The following PPP6C variants were observed in gnomAD, a reference collection of about 807,000 sequenced individuals.
The protein encoded by PPP6C is serine/threonine-protein phosphatase 6 catalytic subunit.
A neutral mutation model predicts 39.8 loss-of-function variants in PPP6C; 11 were observed. The ratio of observed to expected loss-of-function variants is 0.28; its 90% CI spans 0.17 to 0.46. PPP6C has a LOEUF of 0.46. Among genes scored for constraint, PPP6C ranks in the 20% least tolerant of loss-of-function variants. The probability of loss-of-function intolerance (pLI) is 1.00; values close to 1 mark genes in which losing one functional copy is unlikely to be tolerated. For missense variants in PPP6C, 211 were observed against 373.9 expected (o/e 0.56, Z 3.59); for synonymous variants, 129 against 130.3 (o/e 0.99, Z 0.07).
chr9:125,167,389 A>AAAAAAAAAAAAAAAAAAAAAAG (rs1554722081), intron 2 of PPP6C, among the ~76,000 whole-genome samples: 7 of 138,156 alleles, frequency 5.1e-5, no homozygotes, highest in African/African-American at 1.9e-4. Context: ...CAAAAAAAAA[A>AAAAAAAAAAAAAAAAAAAAAAG]AAAAAAAAAA....
intron 1 of PPP6C, among the ~76,000 whole-genome samples, chr9:125,173,108 A>T (rs1240436056): frequency 6.6e-6 from 1 of 151,896 alleles, no homozygotes; most frequent in Non-Finnish European, 1.5e-5. Context: ...AAAACCCCCT[A>T]TCTCTACTAA....
chr9:125,166,211 A>G (rs923929430), intron 2 of PPP6C, among the ~76,000 whole-genome samples: 1 of 152,218 alleles, frequency 6.6e-6, no homozygotes, highest in Non-Finnish European at 1.5e-5. Context: ...TCAAAAAACC[A>G]TATTTGTTAA....
At chr9:125,170,430 G>T (rs1011643727) in intron 2 of PPP6C, among the ~76,000 whole-genome samples, 1 of 151,800 alleles carries the variant, frequency 6.6e-6, no homozygotes, top group African/African-American at 2.4e-5. Context: ...GTAGAGACGG[G>T]GTTTCACCAT....
chr9:125,163,731 A>G (rs1213942305), intron 2 of PPP6C, among the ~76,000 whole-genome samples: 1 of 151,846 alleles, frequency 6.6e-6, no homozygotes, highest in Non-Finnish European at 1.5e-5. Flanking sequence ...GCCTGGCCAG[A>G]TATCTGTTCT....
chr9:125,151,165 G>A (rs1588270614), intron 6 of PPP6C: 1 of 1,469,076 alleles, frequency 6.8e-7, no homozygotes, highest in African/African-American at 1.4e-5. Flanking sequence ...TGCTGGTGGA[G>A]CTAAGAGAGT....
intron 2 of PPP6C, among the ~76,000 whole-genome samples, chr9:125,166,887 T>C (rs962921099): frequency 2.6e-5 from 4 of 151,782 alleles, no homozygotes; most frequent in African/African-American, 7.3e-5. Context: ...TACTTCCCAT[T>C]TCATCACACA....
intron 2 of PPP6C, among the ~76,000 whole-genome samples, chr9:125,162,141 T>G: frequency 6.7e-6 from 1 of 148,948 alleles, no homozygotes; most frequent in East Asian, 2.0e-4. Flanking sequence ...TATCTGAAAA[T>G]TAGCTAACAG....
intron 1 of PPP6C, among the ~76,000 whole-genome samples, chr9:125,177,380 A>G (rs929859739): frequency 6.6e-6 from 1 of 150,732 alleles, no homozygotes; most frequent in Non-Finnish European, 1.5e-5. Flanking sequence ...CTCAAAACAA[A>G]CAAACAAAAA....
At position 125,149,601 on chromosome 9, in the gene PPP6C, T is replaced by C. The variant is rs761037227; in HGVS notation, c.*72A>G. 51 of 1,511,256 alleles carry C rather than the reference T, an allele frequency of 3.4e-5. 1 individual carries two copies. Among genetic ancestry groups the C allele is most frequent in the Non-Finnish European group, 3.9e-5 (44 of 1,114,224 alleles). 93.6% of individuals were successfully genotyped at this position (1,511,256 alleles called of 1,614,324 possible). Reference sequence around the variant, plus strand: ...GCAAAGTGCTCAATAAAAAGTATATTGTAGAGGGTAATACAAGAAAATTGG... The same window carrying C: ...GCAAAGTGCTCAATAAAAAGTATATCGTAGAGGGTAATACAAGAAAATTGG... On this transcript the variant is annotated 3_prime_UTR_variant, in exon 7 of 7. Coordinates refer to ENST00000373547, the MANE Select transcript of PPP6C (RefSeq NM_002721.5).
chr9:125,189,665 G>A lies in PPP6C; in HGVS notation c.54C>T (p.Tyr18=), dbSNP rs969624413. The A allele has an allele frequency of 1.9e-6, 3 of 1,612,654 alleles. No individual in the cohort carries two copies. Among genetic ancestry groups the A allele is most frequent in the Admixed American group, 3.3e-5 (2 of 59,976 alleles). The change falls in exon 1 of 7, where the codon TAC becomes TAT. Residue 18 remains tyrosine (Y), a synonymous_variant. Transcript: ENST00000373547. ...TCACCTTCAGGTCGTTCTCTGGCAG[G>A]TACTTGCACAGCCGCGCTATTTCCA... is the stretch of plus-strand genomic sequence containing the variant. ...KYVEIARLCK[Y]LPENDLKRLC... is the part of the protein sequence containing the mutation.
intron 4 of PPP6C, among the ~76,000 whole-genome samples, chr9:125,157,918 T>G (rs1836120793): frequency 6.6e-6 from 1 of 151,992 alleles, no homozygotes; most frequent in Admixed American, 6.6e-5. Flanking sequence ...CTCGATCTCC[T>G]GATCTTGTGA....
intron 2 of PPP6C, among the ~76,000 whole-genome samples, chr9:125,166,811 A>T (rs1829024578): frequency 6.6e-6 from 1 of 152,054 alleles, no homozygotes; most frequent in African/African-American, 2.4e-5. Flanking sequence ...CACCGTGCCC[A>T]ACCCACAACT....
At chr9:125,181,549 T>C (rs981519164) in intron 1 of PPP6C, among the ~76,000 whole-genome samples, 1 of 152,134 alleles carries the variant, frequency 6.6e-6, no homozygotes, top group Admixed American at 6.6e-5. Context: ...TATGTTCTCA[T>C]TGTTCAACTC....
In PPP6C at chr9:125,174,964, T is replaced by C. The variant is rs148334789; in HGVS notation, c.76-3784A>G. 1.0e-3 allele frequency among the ~76,000 whole-genome samples: 152 copies of C among 151,704 alleles called. 3 individuals carry two copies. In the East Asian group the frequency reaches 0.028, roughly 28 times the overall value. Reference sequence around the variant, plus strand: ...GGCTCACATCTGTAATCCCAGCACTTTGGGAGGCCGAGGCAGGTGGATCAC... The same window carrying C: ...GGCTCACATCTGTAATCCCAGCACTCTGGGAGGCCGAGGCAGGTGGATCAC... On this transcript the variant is annotated intron_variant, in intron 1 of 6. Transcript: ENST00000373547.
At position 125,180,669 on chromosome 9, in the gene PPP6C, C is replaced by A. The variant is rs1359811438; in HGVS notation, c.75+8975G>T. Among the ~76,000 whole-genome samples, 3 of 152,190 alleles carry A rather than the reference C, an allele frequency of 2.0e-5. No individual in the cohort carries two copies. The East Asian group carries it at 5.8e-4, about 29-fold the overall frequency. On this transcript the variant is annotated intron_variant, in intron 1 of 6. Coordinates refer to ENST00000373547, the MANE Select transcript of PPP6C (RefSeq NM_002721.5). ...CTCCTGACCTCAGGTGATACACCCACCTTAGCCTCCCAAAGTGCTGGGGTT... is the reference window on the plus strand; with the variant it reads ...CTCCTGACCTCAGGTGATACACCCAACTTAGCCTCCCAAAGTGCTGGGGTT...
At chr9:125,156,583 T>C (rs1836081593) in intron 4 of PPP6C, among the ~76,000 whole-genome samples, 1 of 152,222 alleles carries the variant, frequency 6.6e-6, no homozygotes, top group Non-Finnish European at 1.5e-5. Flanking sequence ...AGCCTATCTT[T>C]ATAATGAAAG....
At chr9:125,175,466 G>GAC (rs1829276598) in intron 1 of PPP6C, among the ~76,000 whole-genome samples, 1 of 151,304 alleles carries the variant, frequency 6.6e-6, no homozygotes, top group Non-Finnish European at 1.5e-5. Flanking sequence ...GTGAAACCCC[G>GAC]TCTCTACTAA....
At chr9:125,159,652 T>C (rs1299416079) in intron 3 of PPP6C, among the ~76,000 whole-genome samples, 7 of 152,232 alleles carry the variant, frequency 4.6e-5, no homozygotes, top group African/African-American at 1.7e-4. Context: ...TATGATAATA[T>C]ACTATTTACA....
chr9:125,171,006 T>C, intron 2 of PPP6C, 79 bp downstream of exon 2: 1 of 948,934 alleles, frequency 1.1e-6, no homozygotes, highest in Non-Finnish European at 1.5e-6. Flanking sequence ...TTGTTGTTGT[T>C]TTAATTTTGC....
Sources: gnomAD v4.1 joint callset for allele counts (sites outside exome capture counted in the v4.1 genomes callset) on GRCh38, gnomAD v4.1.1 for gene constraint, MANE v1.5 for transcripts, NCBI Gene and HGNC (gene_info 2026-07-23, HGNC 2026-07-21) for gene names.